The following ATP9B variants were observed in gnomAD, a reference collection of about 807,000 sequenced individuals.
The protein encoded by ATP9B is ATPase phospholipid transporting 9B, also known as probable phospholipid-transporting ATPase IIB.
Under a neutral mutation model 146.1 loss-of-function variants are expected in ATP9B, and 110 were observed. That is an observed-to-expected ratio of 0.75 (90% CI 0.65 to 0.88). The LOEUF is 0.88. Ranked by LOEUF, ATP9B falls within the 40% of genes least tolerant of loss-of-function variation. The pLI is 0.00. For synonymous variants in ATP9B, 604 were observed against 569.7 expected, an observed-to-expected ratio of 1.06 and a Z score of -0.86; for missense variants, 1,499 against 1,496.4, an observed-to-expected ratio of 1.00 and a Z score of -0.03.
At chr18:79,345,067 G>A (rs897551952) in intron 21 of ATP9B, among the ~76,000 whole-genome samples, 2 of 152,174 alleles carry the variant, frequency 1.3e-5, no homozygotes, top group Admixed American at 6.5e-5. Context: ...GCCCCAGAAC[G>A]TCACCGGGTC....
intron 7 of ATP9B, among the ~76,000 whole-genome samples, chr18:79,170,541 C>T (rs1449934929): frequency 6.6e-6 from 1 of 152,116 alleles, no homozygotes; most frequent in Non-Finnish European, 1.5e-5. Context: ...TTTTTAATCT[C>T]TGGGTTTATA....
chr18:79,377,639 T>G lies in ATP9B; in HGVS notation c.*256T>G. The G allele has an allele frequency of 2.1e-6, 1 of 466,950 alleles. No homozygotes were observed. The highest frequency in any genetic ancestry group is 3.8e-6 in the Non-Finnish European group (1 of 262,176). 28.9% of individuals were successfully genotyped at this position (466,950 alleles called of 1,614,324 possible). ...CCCTCTCAGTGCGAGGCTTCACCCC[T>G]GCCAGGCAAGCCCAGGGCATAGATG... On this transcript the variant is annotated 3_prime_UTR_variant, in exon 30 of 30. Coordinates refer to ENST00000426216, the MANE Select transcript of ATP9B (RefSeq NM_198531.5).
chr18:79,077,846 G>T (rs2072801751), intron 1 of ATP9B: 1 of 152,210 alleles, frequency 6.6e-6, no homozygotes, highest in Non-Finnish European at 1.5e-5. Context: ...GCTTTCTGCA[G>T]CCCTCTCTGG....
intron 11 of ATP9B, among the ~76,000 whole-genome samples, chr18:79,235,246 T>G (rs1268247823): frequency 1.3e-5 from 2 of 152,210 alleles, no homozygotes; most frequent in African/African-American, 4.8e-5. Flanking sequence ...TTGTAGCTTA[T>G]AAGACATTAA....
At chr18:79,272,540 C>T (rs931081017) in intron 12 of ATP9B, among the ~76,000 whole-genome samples, 2 of 150,954 alleles carry the variant, frequency 1.3e-5, no homozygotes, top group Non-Finnish European at 2.9e-5. Flanking sequence ...TCCCTGAGCT[C>T]TCTCCACTGA....
chr18:79,096,880 G>T (rs1185509601), intron 2 of ATP9B, among the ~76,000 whole-genome samples: 1 of 152,162 alleles, frequency 6.6e-6, no homozygotes, highest in East Asian at 1.9e-4. Context: ...CTGGAGGCCG[G>T]GTGTGGTGGC....
chr18:79,277,702 T>C (rs2096328489), intron 13 of ATP9B, among the ~76,000 whole-genome samples: 1 of 152,222 alleles, frequency 6.6e-6, no homozygotes, highest in Non-Finnish European at 1.5e-5. Context: ...TTTAATTTTC[T>C]TCTTTTTTTC....
intron 8 of ATP9B, among the ~76,000 whole-genome samples, chr18:79,177,846 G>A (rs1395036146): frequency 1.3e-5 from 2 of 152,214 alleles, no homozygotes; most frequent in African/African-American, 4.8e-5. Flanking sequence ...AGGCAGTGAA[G>A]TGCTGCTCAG....
chr18:79,356,842 G>T (rs59390795), intron 25 of ATP9B, among the ~76,000 whole-genome samples: 8 of 31,442 alleles, frequency 2.5e-4, no homozygotes, highest in Admixed American at 3.8e-4. Context: ...GGATGCTCTG[G>T]GTCTGGAGGT....
rs571170067 is a variant in ATP9B at position 79,205,940 on chromosome 18, CT to C, written c.955-983del. Among the ~76,000 whole-genome samples, 1,243 of 144,540 alleles carry C rather than the reference CT, an allele frequency of 8.6e-3. 5 individuals are homozygous for C. The highest frequency in any genetic ancestry group is 0.035 in the South Asian group (160 of 4,592). The allele number at this position is 144,540 out of a possible 152,430, so 94.8% of individuals were successfully genotyped here. ...GAATATTTCGTGTAATAACAGCATA[CT>C]TTTTTTTTTTTTTCTTTGAGACAGA... On this transcript the variant is annotated intron_variant, in intron 9 of 29. Coordinates refer to ENST00000426216, the MANE Select transcript of ATP9B (RefSeq NM_198531.5).
intron 12 of ATP9B, among the ~76,000 whole-genome samples, chr18:79,263,843 G>A (rs1223653363): frequency 6.6e-6 from 1 of 152,224 alleles, no homozygotes; most frequent in Non-Finnish European, 1.5e-5. Context: ...CCAGCACTTT[G>A]GGAGGCCGAG....
chr18:79,159,409 A>T (rs566787408), intron 7 of ATP9B, among the ~76,000 whole-genome samples: 1 of 152,238 alleles, frequency 6.6e-6, no homozygotes, highest in Admixed American at 6.5e-5. Context: ...ACCTGGCTGT[A>T]GAGTTCCAAC....
chr18:79,360,393 A>G (rs2096980842), intron 26 of ATP9B: 1 of 152,248 alleles, frequency 6.6e-6, no homozygotes, highest in Non-Finnish European at 1.5e-5. Context: ...AAAGCTAATG[A>G]CTACCTAGCA....
At chr18:79,185,203 C>T (rs1028966035) in intron 8 of ATP9B, among the ~76,000 whole-genome samples, 2 of 152,098 alleles carry the variant, frequency 1.3e-5, no homozygotes, top group Non-Finnish European at 2.9e-5. Flanking sequence ...CAAAATGGTA[C>T]ACTTTAAACG....
At chr18:79,109,067 G>A (rs1461264341) in intron 2 of ATP9B, among the ~76,000 whole-genome samples, 9 of 152,154 alleles carry the variant, frequency 5.9e-5, no homozygotes, top group Non-Finnish European at 1.0e-4. Flanking sequence ...GCCTTATGCT[G>A]TCATTTTCAT....
intron 1 of ATP9B, among the ~76,000 whole-genome samples, chr18:79,086,949 A>C (rs1168290251): frequency 6.6e-6 from 1 of 152,188 alleles, no homozygotes; most frequent in Non-Finnish European, 1.5e-5. Flanking sequence ...TATTTATTTT[A>C]ACATCTTGCC....
At chr18:79,314,442 T>G (rs567028260) in intron 15 of ATP9B, among the ~76,000 whole-genome samples, 1 of 152,358 alleles carries the variant, frequency 6.6e-6, no homozygotes, top group East Asian at 1.9e-4. Flanking sequence ...TACAAATAAT[T>G]GAATTCTGAG....
chr18:79,317,849 A>G (rs1056623623), intron 15 of ATP9B, among the ~76,000 whole-genome samples: 2 of 152,234 alleles, frequency 1.3e-5, no homozygotes, highest in Non-Finnish European at 2.9e-5. Flanking sequence ...AAGGCAGGAA[A>G]TACCCAGACT....
chr18:79,189,645 G>C (rs1030476424), intron 8 of ATP9B, among the ~76,000 whole-genome samples: 1 of 152,210 alleles, frequency 6.6e-6, no homozygotes, highest in African/African-American at 2.4e-5. Context: ...ATACGGAAGA[G>C]AAAATACACT....
Sources: gnomAD v4.1 joint callset for allele counts (sites outside exome capture counted in the v4.1 genomes callset) on GRCh38, gnomAD v4.1.1 for gene constraint, MANE v1.5 for transcripts, NCBI Gene and HGNC (gene_info 2026-07-23, HGNC 2026-07-21) for gene names.